PML: variants seen among roughly 807,000 people sequenced by gnomAD.
The protein encoded by PML is protein PML.
In PML, 28 loss-of-function variants were observed where a neutral mutation model predicts 65.2. The observed-to-expected ratio is 0.43, with a 90% CI of 0.32 to 0.59. The LOEUF (loss-of-function observed/expected upper bound fraction) is 0.59, where lower values mean the gene tolerates loss of function less well. PML is among the 20% of genes least tolerant of loss of function. The pLI, the probability that PML is intolerant of heterozygous loss-of-function variation, is 0.08. For synonymous variants in PML, 500 were observed against 508.8 expected (o/e 0.98, Z 0.23); for missense variants, 1,021 against 1,203.4 (o/e 0.85, Z 2.24).
In PML at chr15:74,033,324, G is replaced by T. The variant is rs2071402302; in HGVS notation, c.1567G>T (p.Asp523Tyr). The T allele has an allele frequency of 6.2e-7, 1 of 1,614,218 alleles. No individual in the cohort carries two copies. Among genetic ancestry groups the T allele is most frequent in the Non-Finnish European group, 8.5e-7 (1 of 1,180,032 alleles). Residue 523 changes from aspartate to tyrosine, a missense_variant, in exon 6 of 9, where the codon GAT (aspartate) becomes TAT (tyrosine). Coordinates refer to ENST00000268058, the MANE Select transcript of PML (RefSeq NM_033238.3). ...CAAGGCAGTCTCACCACCCCACCTG[G>T]ATGGACCGCCTAGCCCCAGGAGCCC... ...TSKAVSPPHLDGPPSPRSPVI... is the reference protein window; with the variant it reads ...TSKAVSPPHLYGPPSPRSPVI...
In PML at chr15:73,998,429, C is replaced by G. The variant is rs200143816; in HGVS notation, c.555C>G (p.Asn185Lys). ...REFLDGTRKT[N>K]NIFCSNPNHR... is the part of the protein sequence containing the mutation. ...TCCTGGACGGCACCCGCAAGACCAACAACATCTTCTGCTCCAACCCCAACC... is the reference window on the plus strand; with the variant it reads ...TCCTGGACGGCACCCGCAAGACCAAGAACATCTTCTGCTCCAACCCCAACC... The change falls in exon 2 of 9, where the codon AAC becomes AAG. Residue 185 changes from asparagine (N) to lysine (K), a missense_variant. Asn to Lys is a moderately conservative substitution (Grantham distance 94). Coordinates refer to ENST00000268058, the MANE Select transcript of PML (RefSeq NM_033238.3). 2 of 1,614,076 alleles carry G rather than the reference C, an allele frequency of 1.2e-6. No individual in the cohort carries two copies.
chr15:74,011,062 C>T (rs1305637936), intron 2 of PML, among the ~76,000 whole-genome samples: 1 of 152,172 alleles, frequency 6.6e-6, no homozygotes, highest in Non-Finnish European at 1.5e-5. Context: ...GATTGTGTCA[C>T]CAGGAGGTAC....
intron 2 of PML, among the ~76,000 whole-genome samples, chr15:74,016,850 G>A (rs1360670326): frequency 1.6e-5 from 2 of 128,272 alleles, no homozygotes; most frequent in Non-Finnish European, 3.1e-5. Context: ...AGGCTGGAGT[G>A]CAGTGGTGCG....
At chr15:74,006,705 T>G (rs1454024057) in intron 2 of PML, among the ~76,000 whole-genome samples, 1 of 152,218 alleles carries the variant, frequency 6.6e-6, no homozygotes. Context: ...GAGGTTTATT[T>G]GGCTCATGTT....
intron 2 of PML, among the ~76,000 whole-genome samples, chr15:73,999,661 G>T (rs952502681): frequency 2.0e-5 from 3 of 151,972 alleles, no homozygotes; most frequent in Admixed American, 6.6e-5. Flanking sequence ...ACTAATTAAA[G>T]AATTCAGGAA....
chr15:74,045,438 C>G lies in PML; in HGVS notation c.*430C>G. On this transcript the variant is annotated 3_prime_UTR_variant, in exon 9 of 9. Coordinates refer to ENST00000268058, the MANE Select transcript of PML (RefSeq NM_033238.3). ...CCACACAGAACAGTCTGAGGTGATG[C>G]TGGCTACAGCCCTGGCAGCCCATGG... 1 of 252,212 alleles carries G rather than the reference C, an allele frequency of 4.0e-6. No homozygotes were observed. Among genetic ancestry groups the G allele is most frequent in the Non-Finnish European group, 7.6e-6 (1 of 130,778 alleles). The allele number at this position is 252,212 out of a possible 1,614,324, so 15.6% of individuals were successfully genotyped here.
At chr15:74,013,283 T>C (rs1249384506) in intron 2 of PML, among the ~76,000 whole-genome samples, 2 of 152,192 alleles carry the variant, frequency 1.3e-5, no homozygotes, top group Non-Finnish European at 2.9e-5. Flanking sequence ...TTATTAACTT[T>C]AGGTGTGTTC....
chr15:74,003,634 T>C (rs2141734796), intron 2 of PML, among the ~76,000 whole-genome samples: 1 of 152,350 alleles, frequency 6.6e-6, no homozygotes, highest in Non-Finnish European at 1.5e-5. Context: ...TAGTTCCAGA[T>C]TACTACCAAA....
chr15:73,996,704 A>G (rs2069530097), intron 1 of PML, among the ~76,000 whole-genome samples: 1 of 152,230 alleles, frequency 6.6e-6, no homozygotes, highest in Non-Finnish European at 1.5e-5. Flanking sequence ...AGCTTAAAAT[A>G]TGCCAAAGAA....
Position 74,033,333 on chromosome 15 carries a change from C to T in PML, c.1576C>T (p.Pro526Ser). 6.2e-7 allele frequency: 1 copy of T among 1,614,152 alleles called. No individual in the cohort carries two copies. Among genetic ancestry groups the T allele is most frequent in the Non-Finnish European group, 8.5e-7 (1 of 1,179,986 alleles). The change falls in exon 6 of 9, where the codon CCT becomes TCT. Residue 526 changes from proline (P) to serine (S), a missense_variant. Pro to Ser is a moderately conservative substitution (Grantham distance 74). Transcript: ENST00000268058. ...AVSPPHLDGP[P>S]SPRSPVIGSE... ...CTCACCACCCCACCTGGATGGACCG[C>T]CTAGCCCCAGGAGCCCCGTCATAGG...
At position 74,044,960 on chromosome 15, in the gene PML, C is replaced by T; in HGVS notation, c.2601C>T (p.Thr867=). 1 of 1,611,068 alleles carries T rather than the reference C, an allele frequency of 6.2e-7. No homozygotes were observed. Among genetic ancestry groups the T allele is most frequent in the South Asian group, 1.1e-5 (1 of 91,050 alleles). Residue 867 remains threonine (T), a synonymous_variant, in exon 9 of 9, where the codon ACC becomes ACT. Coordinates refer to ENST00000268058, the MANE Select transcript of PML (RefSeq NM_033238.3). ...PALARAEGVS[T]PLAGRGLAER... is the part of the protein sequence containing the mutation. Reference sequence around the variant, plus strand: ...TGGCACGGGCAGAAGGAGTCTCCACCCCACTTGCTGGCCGTGGCTTGGCAG... The same window carrying T: ...TGGCACGGGCAGAAGGAGTCTCCACTCCACTTGCTGGCCGTGGCTTGGCAG...
At position 74,044,805 on chromosome 15, in the gene PML, C is replaced by T. The variant is rs201288185; in HGVS notation, c.2446C>T (p.Arg816Trp). 19 of 1,613,076 alleles carry T rather than the reference C, an allele frequency of 1.2e-5. No homozygotes were observed. The highest frequency in any genetic ancestry group is 4.0e-5 in the African/African-American group (3 of 74,946). ...GCTGCTGAGTGCACACCGCCGTGACCGGCAGGGGGGCCTGAAGAAGTACAG... is the reference window on the plus strand; with the variant it reads ...GCTGCTGAGTGCACACCGCCGTGACTGGCAGGGGGGCCTGAAGAAGTACAG... ...MELLSAHRRD[R>W]QGGLKKYSRY... The change falls in exon 9 of 9, where the codon CGG becomes TGG. Residue 816 changes from arginine to tryptophan, a missense_variant. Physicochemically the swap from Arg to Trp is moderately radical, Grantham distance 101. Coordinates refer to ENST00000268058, the MANE Select transcript of PML (RefSeq NM_033238.3).
chr15:74,029,446 A>C (rs937580766), intron 4 of PML, among the ~76,000 whole-genome samples: 3 of 152,148 alleles, frequency 2.0e-5, no homozygotes, highest in African/African-American at 7.2e-5. Context: ...CAACATGATG[A>C]AACCTCGTCT....
At chr15:74,000,112 T>C (rs550132485) in intron 2 of PML, among the ~76,000 whole-genome samples, 7 of 152,314 alleles carry the variant, frequency 4.6e-5, no homozygotes, top group African/African-American at 1.7e-4. Flanking sequence ...ATTACAGGCA[T>C]GAGCCACCAT....
At position 74,023,398 on chromosome 15, in the gene PML, C is replaced by G. The variant is rs1049172809; in HGVS notation, c.1173C>G (p.Thr391=). ...VRLQDLSSCI[T]QGKDAAVSKK... Reference sequence around the variant, plus strand: ...TGCAGGACCTCAGCTCTTGCATCACCCAGGGGAAAGGTAAGCACGCACGCC... The same window carrying G: ...TGCAGGACCTCAGCTCTTGCATCACGCAGGGGAAAGGTAAGCACGCACGCC... The change falls in exon 3 of 9, where the codon ACC becomes ACG. Residue 391 remains threonine (T), a synonymous_variant. Coordinates refer to ENST00000268058, the MANE Select transcript of PML (RefSeq NM_033238.3). The G allele has an allele frequency of 6.3e-7, 1 of 1,598,462 alleles. No individual in the cohort carries two copies. The highest frequency in any genetic ancestry group is 8.5e-7 in the Non-Finnish European group (1 of 1,179,696).
In PML at chr15:74,044,616, C is replaced by G. The variant is rs751125523; in HGVS notation, c.2257C>G (p.Leu753Val). The G allele has an allele frequency of 1.2e-6, 2 of 1,607,160 alleles. No individual in the cohort carries two copies. Among genetic ancestry groups the G allele is most frequent in the Admixed American group, 1.7e-5 (1 of 59,988 alleles). The stretch of plus-strand genomic sequence containing the variant: ...GGCTGCCGTGCTGGCCATGCGTGAC[C>G]TGTGCCGCCTCCTCGAGGTCTCCCC... Reference protein sequence around the residue: ...AMAAVLAMRDLCRLLEVSPGP... With the variant: ...AMAAVLAMRDVCRLLEVSPGP... The change falls in exon 9 of 9, where the codon CTG (leucine) becomes GTG (valine). Residue 753 changes from leucine to valine, a missense_variant. Transcript: ENST00000268058.
intron 2 of PML, among the ~76,000 whole-genome samples, chr15:74,017,005 G>T (rs1441889712): frequency 6.6e-6 from 1 of 151,482 alleles, no homozygotes; most frequent in Non-Finnish European, 1.5e-5. Context: ...CACCATGTTA[G>T]CCAGGATGGT....
Position 73,998,032 on chromosome 15 carries a change from A to C in PML, c.158A>C (p.Gln53Pro). The C allele has an allele frequency of 1.2e-6, 2 of 1,612,656 alleles. No individual in the cohort carries two copies. Among genetic ancestry groups the C allele is most frequent in the Non-Finnish European group, 1.7e-6 (2 of 1,179,910 alleles). The change falls in exon 2 of 9, where the codon CAG (glutamine) becomes CCG (proline). Residue 53 changes from glutamine to proline, a missense_variant. Transcript: ENST00000268058. ...ERAPASEEEF[Q>P]FLRCQQCQAE... ...GCCCCCGCTTCGGAGGAGGAGTTCC[A>C]GTTTCTGCGCTGCCAGCAATGCCAG...
chr15:74,001,350 CTT>C (rs11298972), intron 2 of PML, among the ~76,000 whole-genome samples: 29 of 146,588 alleles, frequency 2.0e-4, no homozygotes, highest in African/African-American at 4.0e-4. Context: ...ATAATAATAA[CTT>C]TTTTTTTTTT....
Sources: allele counts gnomAD v4.1 joint callset (sites outside exome capture counted in the v4.1 genomes callset), GRCh38; gene constraint gnomAD v4.1.1; transcripts MANE v1.5; gene names NCBI Gene and HGNC (gene_info 2026-07-23, HGNC 2026-07-21).